The following ZFHX3 variants were observed in gnomAD, a reference collection of about 807,000 sequenced individuals.
ZFHX3 encodes zinc finger homeobox protein 3.
In ZFHX3, 42 loss-of-function variants were observed where a neutral mutation model predicts 279.1. The ratio of observed to expected loss-of-function variants is 0.15; its 90% CI spans 0.12 to 0.19. The LOEUF is 0.19. Among genes scored for constraint, ZFHX3 ranks in the 10% least tolerant of loss-of-function variants. The pLI is 1.00. For synonymous variants in ZFHX3, 2,293 were observed against 1,957.8 expected (o/e 1.17, Z -4.52); for missense variants, 4,981 against 4,754.0 (o/e 1.05, Z -1.40).
chr16:73,870,392 T>C (rs1962129237), intron 1 of ZFHX3, among the ~76,000 whole-genome samples: 1 of 152,166 alleles, frequency 6.6e-6, no homozygotes, highest in Non-Finnish European at 1.5e-5. Flanking sequence ...GCCATGCATC[T>C]GTTCAGTCCT....
intron 3 of ZFHX3, among the ~76,000 whole-genome samples, chr16:72,939,813 G>A (rs1960322677): frequency 6.6e-6 from 1 of 152,062 alleles, no homozygotes; most frequent in South Asian, 2.1e-4. Flanking sequence ...ACTTGAACCC[G>A]GGAGGCAGAG....
intron 3 of ZFHX3, among the ~76,000 whole-genome samples, chr16:72,899,646 A>T (rs2038983390): frequency 6.6e-6 from 1 of 152,160 alleles, no homozygotes; most frequent in African/African-American, 2.4e-5. Flanking sequence ...TAAGCAGCCC[A>T]GTTGAAAACC....
chr16:73,211,610 T>A (rs1218729369), intron 5 of ZFHX3, among the ~76,000 whole-genome samples: 1 of 151,694 alleles, frequency 6.6e-6, no homozygotes, highest in Non-Finnish European at 1.5e-5. Flanking sequence ...CTATTTAGTG[T>A]CCACAGTGCA....
intron 3 of ZFHX3, among the ~76,000 whole-genome samples, chr16:73,390,046 C>T (rs539362603): frequency 1.3e-5 from 2 of 152,068 alleles, no homozygotes; most frequent in South Asian, 2.1e-4. Flanking sequence ...GGTGACAGAG[C>T]GAGACTCTGT....
intron 4 of ZFHX3, among the ~76,000 whole-genome samples, chr16:72,868,417 C>T (rs900903882): frequency 3.3e-5 from 5 of 152,242 alleles, no homozygotes; most frequent in African/African-American, 1.2e-4. Flanking sequence ...CATTAAGTGT[C>T]TCACTCTAAC....
intron 2 of ZFHX3, among the ~76,000 whole-genome samples, chr16:73,501,578 C>T (rs1405945917): frequency 1.3e-5 from 2 of 152,158 alleles, no homozygotes; most frequent in Non-Finnish European, 2.9e-5. Flanking sequence ...ACAATCAGAT[C>T]AGGCATCTAA....
chr16:72,838,836 C>T (rs1047127897), intron 4 of ZFHX3, among the ~76,000 whole-genome samples: 1 of 152,096 alleles, frequency 6.6e-6, no homozygotes, highest in Non-Finnish European at 1.5e-5. Flanking sequence ...AGTAAATGTG[C>T]GGTGACAAAG....
chr16:73,351,174 A>G (rs978689054), intron 3 of ZFHX3, among the ~76,000 whole-genome samples: 2 of 152,166 alleles, frequency 1.3e-5, no homozygotes, highest in South Asian at 4.1e-4. Context: ...AAAGAGAACA[A>G]GCAGATCTGA....
At chr16:72,866,051 C>T (rs935505645) in intron 4 of ZFHX3, among the ~76,000 whole-genome samples, 2 of 152,044 alleles carry the variant, frequency 1.3e-5, no homozygotes, top group Non-Finnish European at 2.9e-5. Context: ...GTGATGCGGT[C>T]GTGAGATGCC....
intron 2 of ZFHX3, among the ~76,000 whole-genome samples, chr16:73,535,995 T>C (rs977280093): frequency 6.6e-6 from 1 of 152,140 alleles, no homozygotes; most frequent in African/African-American, 2.4e-5. Flanking sequence ...GTGCTGGGAT[T>C]ACAGGTGTGA....
At chr16:73,712,665 C>T (rs1185616387) in intron 1 of ZFHX3, among the ~76,000 whole-genome samples, 1 of 152,170 alleles carries the variant, frequency 6.6e-6, no homozygotes, top group Non-Finnish European at 1.5e-5. Context: ...CTCTTTTGTA[C>T]TGTGGAGCAT....
intron 2 of ZFHX3, among the ~76,000 whole-genome samples, chr16:73,567,034 TA>T (rs1029736134): frequency 5.9e-5 from 9 of 151,916 alleles, no homozygotes; most frequent in East Asian, 2.0e-4. Flanking sequence ...TTTGTAGAGA[TA>T]GGGGGGTATC....
intron 1 of ZFHX3, among the ~76,000 whole-genome samples, chr16:73,056,307 T>C (rs888082973): frequency 3.3e-5 from 5 of 152,198 alleles, no homozygotes; most frequent in Admixed American, 2.0e-4. Context: ...CAGCAACTCA[T>C]ACTTTTGACA....
At chr16:73,874,556 G>C (rs909428998) in intron 1 of ZFHX3, among the ~76,000 whole-genome samples, 1 of 152,120 alleles carries the variant, frequency 6.6e-6, no homozygotes, top group East Asian at 1.9e-4. Context: ...AAATACATTT[G>C]TAAAACAGTT....
chr16:73,260,690 T>TGA (rs71297491), intron 4 of ZFHX3, among the ~76,000 whole-genome samples: 4 of 129,568 alleles, frequency 3.1e-5, no homozygotes, highest in Admixed American at 8.1e-5. Flanking sequence ...GTTTTTTTTT[T>TGA]TTTTTTTTTT....
intron 3 of ZFHX3, among the ~76,000 whole-genome samples, chr16:73,411,206 G>A (rs557275780): frequency 4.1e-4 from 62 of 152,302 alleles, no homozygotes; most frequent in Middle Eastern, 6.8e-3. Context: ...GTGAATTTCC[G>A]ACTTTAGAAC....
chr16:72,927,607 C>T (rs534646642), intron 3 of ZFHX3, among the ~76,000 whole-genome samples: 5 of 152,284 alleles, frequency 3.3e-5, no homozygotes, highest in African/African-American at 1.2e-4. Flanking sequence ...CAGCGGCCCG[C>T]GAGGGGCTGG....
At chr16:73,691,212 T>A (rs971858719) in intron 1 of ZFHX3, among the ~76,000 whole-genome samples, 1 of 152,216 alleles carries the variant, frequency 6.6e-6, no homozygotes, top group Non-Finnish European at 1.5e-5. Flanking sequence ...CTGGTGGTAT[T>A]ATTTTCTACC....
chr16:73,416,015 G>C (rs2017567326), intron 3 of ZFHX3, among the ~76,000 whole-genome samples: 1 of 151,734 alleles, frequency 6.6e-6, no homozygotes, highest in Admixed American at 6.6e-5. Flanking sequence ...AGCTACTCGG[G>C]AGGCTGGGGC....
Sources: gnomAD v4.1 joint callset for allele counts (sites outside exome capture counted in the v4.1 genomes callset) on GRCh38, gnomAD v4.1.1 for gene constraint, MANE v1.5 for transcripts, NCBI Gene and HGNC (gene_info 2026-07-23, HGNC 2026-07-21) for gene names.